The following HOMER1 variants were observed in gnomAD, a reference collection of about 807,000 sequenced individuals.
HOMER1 encodes homer scaffold protein 1.
Under a neutral mutation model 48.9 loss-of-function variants are expected in HOMER1, and 3 were observed. That is an observed-to-expected ratio of 0.06 (90% CI 0.03 to 0.16). The LOEUF is 0.16. Among genes scored for constraint, HOMER1 ranks in the 10% least tolerant of loss-of-function variants. HOMER1 has a pLI of 1.00. For missense variants in HOMER1, 247 were observed against 411.4 expected (o/e 0.60, Z 3.46); for synonymous variants, 134 against 146.4 (o/e 0.92, Z 0.61).
intron 1 of HOMER1, among the ~76,000 whole-genome samples, chr5:79,480,473 CA>C (rs1419337768): frequency 2.0e-5 from 3 of 152,140 alleles, no homozygotes; most frequent in African/African-American, 7.2e-5. Flanking sequence ...CATAACTTTT[CA>C]CTACTTATAG....
At chr5:79,425,866 A>G (rs1251754108) in intron 5 of HOMER1, among the ~76,000 whole-genome samples, 1 of 152,038 alleles carries the variant, frequency 6.6e-6, no homozygotes, top group Admixed American at 6.6e-5. Context: ...ACACCCTAAA[A>G]TGATCTAATT....
At chr5:79,449,308 C>T (rs1023128598) in intron 3 of HOMER1, among the ~76,000 whole-genome samples, 6 of 152,016 alleles carry the variant, frequency 3.9e-5, no homozygotes, top group East Asian at 1.9e-4. Context: ...TTAGAATAAA[C>T]ATATAATTTC....
chr5:79,450,311 T>C (rs1005876598), intron 3 of HOMER1, among the ~76,000 whole-genome samples: 2 of 152,220 alleles, frequency 1.3e-5, no homozygotes, highest in Non-Finnish European at 2.9e-5. Flanking sequence ...TTTTTTCTTA[T>C]ATATTCTTTT....
intron 1 of HOMER1, among the ~76,000 whole-genome samples, chr5:79,509,118 C>A (rs1752862011): frequency 6.6e-6 from 1 of 152,196 alleles, no homozygotes; most frequent in Non-Finnish European, 1.5e-5. Flanking sequence ...GTCAGCTTCC[C>A]ATCTTTCAGC....
At chr5:79,491,108 A>AAAAC in intron 1 of HOMER1, among the ~76,000 whole-genome samples, 1 of 106,476 alleles carries the variant, frequency 9.4e-6, no homozygotes, top group Non-Finnish European at 1.8e-5. Flanking sequence ...AAAAAAAAAA[A>AAAAC]AAGCTTGTCA....
intron 8 of HOMER1, among the ~76,000 whole-genome samples, chr5:79,379,402 TTA>T (rs1208489073): frequency 8.5e-6 from 1 of 117,136 alleles, no homozygotes; most frequent in East Asian, 2.1e-4. Context: ...ATATAAATAT[TTA>T]TATATTTATA....
chr5:79,512,006 C>CA (rs1752957225), intron 1 of HOMER1, among the ~76,000 whole-genome samples: 1 of 152,214 alleles, frequency 6.6e-6, no homozygotes, highest in Non-Finnish European at 1.5e-5. Context: ...GTGTCACTAG[C>CA]ATTTCATCAA....
At chr5:79,429,853 C>T (rs1040572342) in intron 5 of HOMER1, among the ~76,000 whole-genome samples, 2 of 152,036 alleles carry the variant, frequency 1.3e-5, no homozygotes, top group Non-Finnish European at 2.9e-5. Context: ...GAAACCCCGT[C>T]TCTACTAAAA....
At chr5:79,384,820 C>G (rs1334694020) in intron 8 of HOMER1, among the ~76,000 whole-genome samples, 1 of 151,718 alleles carries the variant, frequency 6.6e-6, no homozygotes, top group Non-Finnish European at 1.5e-5. Context: ...GGATTTATAC[C>G]AAGGAAACAA....
chr5:79,377,927 A>T (rs1368584848), intron 8 of HOMER1, among the ~76,000 whole-genome samples: 2 of 152,224 alleles, frequency 1.3e-5, no homozygotes, highest in African/African-American at 4.8e-5. Flanking sequence ...CAATGTAAAA[A>T]TTAAACTTTC....
chr5:79,455,854 T>C (rs1389374793), intron 2 of HOMER1, among the ~76,000 whole-genome samples: 1 of 152,134 alleles, frequency 6.6e-6, no homozygotes, highest in Non-Finnish European at 1.5e-5. Flanking sequence ...ATGAAGTTCA[T>C]TGATGATTAA....
At chr5:79,482,450 A>G (rs2112343616) in intron 1 of HOMER1, among the ~76,000 whole-genome samples, 1 of 152,302 alleles carries the variant, frequency 6.6e-6, no homozygotes, top group South Asian at 2.1e-4. Flanking sequence ...ATAAGCAGTT[A>G]CACTTGAACG....
chr5:79,437,714 A>G (rs946232380), intron 5 of HOMER1, among the ~76,000 whole-genome samples: 2 of 152,200 alleles, frequency 1.3e-5, no homozygotes, highest in Admixed American at 1.3e-4. Context: ...ACACCGTGGC[A>G]CAATCGTAGC....
rs1176940440 is a variant in HOMER1 at position 79,374,274 on chromosome 5, A to C, written c.*1735T>G. ...ATAGGTGAGGAAAATATCCTAAAAT[A>C]GATGGAGGTAACGTACATGATGTTA... On this transcript the variant is annotated 3_prime_UTR_variant, in exon 9 of 9. Transcript: ENST00000334082. 6.6e-6 allele frequency: 1 copy of C among 152,464 alleles called. No individual in the cohort carries two copies. Among genetic ancestry groups the C allele is most frequent in the African/African-American group, 2.4e-5 (1 of 41,452 alleles). The allele number at this position is 152,464 out of a possible 1,614,324, so 9.4% of individuals were successfully genotyped here.
intron 1 of HOMER1, among the ~76,000 whole-genome samples, chr5:79,494,093 T>C (rs1752358580): frequency 6.6e-6 from 1 of 152,216 alleles, no homozygotes; most frequent in African/African-American, 2.4e-5. Context: ...TTGGCTCTTG[T>C]GACACTATTC....
chr5:79,422,798 T>C (rs1231733315), intron 5 of HOMER1, among the ~76,000 whole-genome samples: 2 of 151,494 alleles, frequency 1.3e-5, no homozygotes, highest in Non-Finnish European at 2.9e-5. Flanking sequence ...CTAATATTGC[T>C]GAATAAATGG....
intron 5 of HOMER1, among the ~76,000 whole-genome samples, chr5:79,415,377 C>A (rs1273525054): frequency 6.6e-6 from 1 of 151,948 alleles, no homozygotes; most frequent in Non-Finnish European, 1.5e-5. Flanking sequence ...CAATGTATCA[C>A]CAATGTTACT....
chr5:79,449,312 T>C (rs1032304581), intron 3 of HOMER1, among the ~76,000 whole-genome samples: 1 of 152,222 alleles, frequency 6.6e-6, no homozygotes, highest in Non-Finnish European at 1.5e-5. Context: ...AATAAACATA[T>C]AATTTCTCAA....
chr5:79,500,927 TTGTGTGTG>T (rs367742665), intron 1 of HOMER1, among the ~76,000 whole-genome samples: 12 of 124,324 alleles, frequency 9.7e-5, no homozygotes, highest in African/African-American at 1.8e-4. Flanking sequence ...ACCCAGCCAT[TTGTGTGTG>T]TGTGTGTGTG....
Sources: gnomAD v4.1 joint callset for allele counts (sites outside exome capture counted in the v4.1 genomes callset) on GRCh38, gnomAD v4.1.1 for gene constraint, MANE v1.5 for transcripts, NCBI Gene and HGNC (gene_info 2026-07-23, HGNC 2026-07-21) for gene names.